Variants in SLC35F4 observed in about 807,000 individuals in gnomAD.
SLC35F4 encodes chromosome 14 open reading frame 36.
A neutral mutation model predicts 44.2 loss-of-function variants in SLC35F4; 24 were observed. The ratio of observed to expected loss-of-function variants is 0.54; its 90% CI spans 0.39 to 0.76. SLC35F4 has a LOEUF of 0.76. SLC35F4 is among the 30% of genes least tolerant of loss of function. SLC35F4 has a pLI of 0.00. For missense variants in SLC35F4, 562 were observed against 586.1 expected (o/e 0.96, Z 0.42); for synonymous variants, 238 against 223.6 (o/e 1.06, Z -0.57).
chr14:57,914,938 C>A (rs1439227613), intron 1 of SLC35F4, among the ~76,000 whole-genome samples: 1 of 152,176 alleles, frequency 6.6e-6, no homozygotes, highest in Admixed American at 6.5e-5. Flanking sequence ...TCTGCAGCAA[C>A]CCTGCCCCTG....
At chr14:57,771,105 T>C (rs2077353599) in intron 1 of SLC35F4, among the ~76,000 whole-genome samples, 1 of 152,148 alleles carries the variant, frequency 6.6e-6, no homozygotes, top group Non-Finnish European at 1.5e-5. Flanking sequence ...GATGAATTCT[T>C]TTGGAGAGTA....
At chr14:57,678,247 A>T (rs544941308) in intron 1 of SLC35F4, among the ~76,000 whole-genome samples, 2 of 152,220 alleles carry the variant, frequency 1.3e-5, no homozygotes, top group South Asian at 4.1e-4. Flanking sequence ...AGAACTGTCA[A>T]CCCAGAATTT....
chr14:57,954,802 A>C (rs996402082), intron 1 of SLC35F4, among the ~76,000 whole-genome samples: 7 of 152,142 alleles, frequency 4.6e-5, no homozygotes, highest in African/African-American at 1.7e-4. Flanking sequence ...CAACCAAAAA[A>C]AAAGCCCAGG....
intron 1 of SLC35F4, among the ~76,000 whole-genome samples, chr14:57,780,103 G>A (rs1043189712): frequency 6.6e-6 from 1 of 152,106 alleles, no homozygotes; most frequent in South Asian, 2.1e-4. Context: ...GCAAAAGAAA[G>A]AAATAAATGA....
chr14:57,981,352 T>G (rs1247982300), intron 1 of SLC35F4, among the ~76,000 whole-genome samples: 2 of 152,140 alleles, frequency 1.3e-5, no homozygotes, highest in Non-Finnish European at 2.9e-5. Context: ...CTCTGCAGCG[T>G]GGGAAATGGG....
intron 1 of SLC35F4, among the ~76,000 whole-genome samples, chr14:57,609,232 GA>G (rs1003738880): frequency 6.6e-6 from 1 of 151,938 alleles, no homozygotes; most frequent in Non-Finnish European, 1.5e-5. Context: ...AGTTTTATTA[GA>G]AAAAAATGAT....
intron 1 of SLC35F4, among the ~76,000 whole-genome samples, chr14:57,821,374 C>T (rs145666682): frequency 3.9e-5 from 6 of 152,326 alleles, no homozygotes; most frequent in African/African-American, 1.2e-4. Flanking sequence ...TGTAGAAATT[C>T]ATTTTGGTGT....
intron 1 of SLC35F4, among the ~76,000 whole-genome samples, chr14:57,897,460 C>T (rs1888896481): frequency 1.3e-5 from 2 of 151,754 alleles, no homozygotes; most frequent in Non-Finnish European, 1.5e-5. Flanking sequence ...ATAAAATTTT[C>T]CTTTGCAAGG....
intron 1 of SLC35F4, among the ~76,000 whole-genome samples, chr14:57,741,216 C>A (rs996335911): frequency 5.3e-5 from 8 of 152,186 alleles, no homozygotes; most frequent in South Asian, 2.1e-4. Flanking sequence ...AGCAACGGAA[C>A]AAAGCTGGAC....
At chr14:57,747,474 T>C (rs1039239186) in intron 1 of SLC35F4, among the ~76,000 whole-genome samples, 15 of 152,098 alleles carry the variant, frequency 9.9e-5, no homozygotes, top group African/African-American at 3.6e-4. Flanking sequence ...GATGCAAGAG[T>C]AAAGAAAAGG....
intron 1 of SLC35F4, among the ~76,000 whole-genome samples, chr14:57,726,607 A>C (rs59819952): frequency 0.4 from 59,970 of 151,816 alleles, 11,840 homozygotes; most frequent in Middle Eastern, 0.42. Flanking sequence ...TAGTGTGTTC[A>C]TGGTTGTACA....
intron 3 of SLC35F4, among the ~76,000 whole-genome samples, chr14:57,585,302 A>G (rs1168644496): frequency 6.6e-6 from 1 of 152,146 alleles, no homozygotes; most frequent in African/African-American, 2.4e-5. Flanking sequence ...CCTTCATACT[A>G]AAAGTTCTTA....
intron 1 of SLC35F4, among the ~76,000 whole-genome samples, chr14:57,937,947 C>T (rs1219214217): frequency 1.3e-5 from 2 of 152,088 alleles, no homozygotes; most frequent in Non-Finnish European, 2.9e-5. Flanking sequence ...ACTTCTGATC[C>T]TTTTCTCATG....
chr14:57,674,857 A>T (rs990668228), intron 1 of SLC35F4, among the ~76,000 whole-genome samples: 8 of 152,108 alleles, frequency 5.3e-5, no homozygotes, highest in Admixed American at 3.3e-4. Flanking sequence ...AGTGAAGAGG[A>T]TCCCTAAGCT....
At chr14:57,873,385 G>A (rs1027800904) in intron 1 of SLC35F4, among the ~76,000 whole-genome samples, 1 of 152,110 alleles carries the variant, frequency 6.6e-6, no homozygotes, top group Admixed American at 6.6e-5. Flanking sequence ...AGCATCACTG[G>A]TAATAATAAA....
intron 1 of SLC35F4, among the ~76,000 whole-genome samples, chr14:57,959,339 G>A (rs1224862744): frequency 6.6e-6 from 1 of 151,980 alleles, no homozygotes; most frequent in Non-Finnish European, 1.5e-5. Context: ...GTCACCTTGA[G>A]GAAAATCTCA....
intron 2 of SLC35F4, among the ~76,000 whole-genome samples, chr14:57,592,930 A>G (rs1443466696): frequency 6.6e-6 from 1 of 152,082 alleles, no homozygotes; most frequent in Non-Finnish European, 1.5e-5. Flanking sequence ...TGAGGATGAA[A>G]GAGATTTTAG....
chr14:57,790,132 A>G (rs1595069708), intron 1 of SLC35F4, among the ~76,000 whole-genome samples: 1 of 152,300 alleles, frequency 6.6e-6, no homozygotes, highest in East Asian at 1.9e-4. Flanking sequence ...ATGTTATTGG[A>G]AGTTCTGGCC....
chr14:57,692,616 T>A (rs898655351), intron 1 of SLC35F4, among the ~76,000 whole-genome samples: 1 of 152,164 alleles, frequency 6.6e-6, no homozygotes, highest in African/African-American at 2.4e-5. Context: ...CTTAAATTTT[T>A]AAATTTTCTG....
Sources: gnomAD v4.1 joint callset for allele counts (sites outside exome capture counted in the v4.1 genomes callset) on GRCh38, gnomAD v4.1.1 for gene constraint, MANE v1.5 for transcripts, NCBI Gene and HGNC (gene_info 2026-07-23, HGNC 2026-07-21) for gene names.